The following ATR variants were observed in gnomAD, a reference collection of about 807,000 sequenced individuals.
ATR encodes the protein serine/threonine-protein kinase ATR.
Under a neutral mutation model 305.3 loss-of-function variants are expected in ATR, and 142 were observed. That is an observed-to-expected ratio of 0.47 (90% CI 0.41 to 0.53). The LOEUF (loss-of-function observed/expected upper bound fraction) is 0.53, where lower values mean the gene tolerates loss of function less well. ATR is among the 20% of genes least tolerant of loss of function. ATR has a pLI of 0.00. For missense variants in ATR, 2,135 were observed against 3,133.1 expected (o/e 0.68, Z 7.60); for synonymous variants, 1,050 against 1,068.1 (o/e 0.98, Z 0.33).
chr3:142,458,828 T>A, intron 44 of ATR, 130 bp downstream of exon 44: 1 of 1,089,588 alleles, frequency 9.2e-7, no homozygotes, highest in African/African-American at 1.6e-5. Context: ...TGAAAACTAG[T>A]CAACAAATTC....
At position 142,578,733 on chromosome 3, in the gene ATR, C is replaced by T. The variant is rs150284877; in HGVS notation, c.-29G>A. On this transcript the variant is annotated 5_prime_UTR_variant, in exon 1 of 47. It adds an upstream start codon to the 5' untranslated region. Transcript: ENST00000350721. Reference sequence around the variant, plus strand: ...GAGGCTGCGAGGCACTAGTCAACCACGCCAACGCGGGTTCCCGGCGTCTCC... The same window carrying T: ...GAGGCTGCGAGGCACTAGTCAACCATGCCAACGCGGGTTCCCGGCGTCTCC... 2.5e-5 allele frequency: 41 copies of T among 1,608,488 alleles called. No homozygotes were observed. In the East Asian group the frequency reaches 8.3e-4, roughly 32 times the overall value.
rs2030305103 is a variant in ATR, at chr3:142,480,045, G to C, written c.6221+5095C>G. 3.9e-5 allele frequency among the ~76,000 whole-genome samples: 6 copies of C among 152,250 alleles called. No individual in the cohort carries two copies. The South Asian group carries it at 1.2e-3, about 32-fold the overall frequency. On this transcript the variant is annotated intron_variant, in intron 36 of 46. Coordinates refer to ENST00000350721, the MANE Select transcript of ATR (RefSeq NM_001184.4). ...CCATGGGTTCCAACTTCCTCCTTTA[G>C]CTCGGAGAAGTTTGATCATCTGAAG...
At chr3:142,520,271 A>T (rs1191469381) in intron 23 of ATR, among the ~76,000 whole-genome samples, 1 of 152,108 alleles carries the variant, frequency 6.6e-6, no homozygotes, top group Admixed American at 6.6e-5. Flanking sequence ...AGACATAAGA[A>T]TATTGAAATT....
At chr3:142,503,171 G>C (rs2032066846) in intron 30 of ATR, among the ~76,000 whole-genome samples, 191 bp downstream of exon 30, 2 of 152,096 alleles carry the variant, frequency 1.3e-5, no homozygotes, top group East Asian at 1.9e-4. Context: ...TGGCTCTTTA[G>C]ACAGAAGCTG....
intron 19 of ATR, 72 bp from the exon 20 acceptor site, chr3:142,536,273 T>G (rs1190375386): frequency 1.5e-5 from 17 of 1,105,158 alleles, no homozygotes; most frequent in African/African-American, 3.1e-5. Flanking sequence ...AAGTAAAAGT[T>G]GAAACTAAGG....
At chr3:142,452,051 A>G (rs888684500) in intron 46 of ATR, 6 of 1,032,462 alleles carry the variant, frequency 5.8e-6, no homozygotes, top group Non-Finnish European at 7.0e-6. Flanking sequence ...CACCCTACAG[A>G]TGAAGATAAT....
chr3:142,553,784 G>A (rs2108464676), intron 11 of ATR, 41 bp downstream of exon 11: 2 of 1,609,974 alleles, frequency 1.2e-6, no homozygotes, highest in Non-Finnish European at 1.7e-6. Flanking sequence ...TTTAGAGCTA[G>A]GTTGACGTAA....
In ATR at chr3:142,515,403, T is replaced by C. The variant is rs2032815401; in HGVS notation, c.4495A>G (p.Ile1499Val). The C allele has an allele frequency of 1.9e-6, 3 of 1,613,906 alleles. No individual in the cohort carries two copies. The highest frequency in any genetic ancestry group is 2.5e-6 in the Non-Finnish European group (3 of 1,179,898). The change falls in exon 25 of 47, where the codon ATT becomes GTT. Residue 1499 changes from isoleucine (I) to valine (V), a missense_variant. Physicochemically the swap from Ile to Val is conservative, Grantham distance 29. This residue lies in a region of ATR where 202 missense variants were observed against 252.9 expected (regional missense o/e 0.80). Coordinates refer to ENST00000350721, the MANE Select transcript of ATR (RefSeq NM_001184.4). ...EWSASWAGYL[I>V]TKVRHDLASK... Reference sequence around the variant, plus strand: ...TGAACAGGGTTTCTTACCTTTGTAATAAGATAACCTGCCCAAGATGCTGAC... The same window carrying C: ...TGAACAGGGTTTCTTACCTTTGTAACAAGATAACCTGCCCAAGATGCTGAC...
intron 33 of ATR, 49 bp from the exon 34 acceptor site, chr3:142,496,569 C>T: frequency 6.4e-7 from 1 of 1,565,240 alleles, no homozygotes; most frequent in Non-Finnish European, 8.8e-7. Flanking sequence ...GGTAAGTGTA[C>T]ACAACAACTT....
chr3:142,568,707 C>T (rs2035160098), intron 1 of ATR, among the ~76,000 whole-genome samples: 1 of 152,260 alleles, frequency 6.6e-6, no homozygotes, highest in Admixed American at 6.5e-5. Flanking sequence ...CCTGCCCTCA[C>T]AGACTTGGAA....
chr3:142,544,288 T>G (rs1009872749), intron 16 of ATR, among the ~76,000 whole-genome samples: 4 of 150,320 alleles, frequency 2.7e-5, no homozygotes, highest in Admixed American at 2.0e-4. Flanking sequence ...CAAAACCCCA[T>G]CTCTACAAAA....
Position 142,556,337 on chromosome 3 carries a change from T to G in ATR, c.2078+46A>C, listed in dbSNP as rs143635003. ...TGCATACATAGCCAGACAATTATGATCTTTCCAATAGAGTGATATATTCAA... is the reference window on the plus strand; with the variant it reads ...TGCATACATAGCCAGACAATTATGAGCTTTCCAATAGAGTGATATATTCAA... On this transcript the variant is annotated intron_variant, in intron 9 of 46. Transcript: ENST00000350721. The G allele has an allele frequency of 9.9e-5, 155 of 1,572,758 alleles. No homozygotes were observed. In the East Asian group the frequency reaches 1.6e-3, roughly 17 times the overall value.
intron 23 of ATR, among the ~76,000 whole-genome samples, chr3:142,520,127 T>A (rs1332750612): frequency 6.6e-6 from 1 of 152,248 alleles, no homozygotes; most frequent in East Asian, 1.9e-4. Context: ...TGATCTTTGA[T>A]GTTACTGTTG....
rs758693664 is a variant in ATR, at chr3:142,558,706, G to A, written c.1803C>T (p.Ser601=). Residue 601 remains serine (S), a synonymous_variant, in exon 8 of 47, where the codon TCC becomes TCT. Transcript: ENST00000350721. ...CGMLSLPWIY[S]HSDDGCLKLT... is the part of the protein sequence containing the mutation. The stretch of plus-strand genomic sequence containing the variant: ...ACTTTAAACAGCCATCATCAGAATG[G>A]GAATAAATCCATGGAAGTGAGAGCA... 6.2e-7 allele frequency: 1 copy of A among 1,612,430 alleles called. No homozygotes were observed. Among genetic ancestry groups the A allele is most frequent in the Non-Finnish European group, 8.5e-7 (1 of 1,178,900 alleles).
chr3:142,562,109 TG>T, intron 4 of ATR, 122 bp downstream of exon 4: 1 of 1,101,562 alleles, frequency 9.1e-7, no homozygotes. Flanking sequence ...AAAATCATTA[TG>T]TTCCAAATAT....
chr3:142,535,282 A>C, intron 20 of ATR, 77 bp from the exon 21 acceptor site: 2 of 1,562,372 alleles, frequency 1.3e-6, no homozygotes, highest in Non-Finnish European at 1.8e-6. Context: ...TGAATTCTCT[A>C]TATAGTTACC....
intron 42 of ATR, among the ~76,000 whole-genome samples, chr3:142,460,247 T>G (rs2070995449): frequency 6.6e-6 from 1 of 152,128 alleles, no homozygotes; most frequent in African/African-American, 2.4e-5. Context: ...CAATACCCAT[T>G]ATATAGTGAT....
At chr3:142,567,062 A>G (rs1462260785) in intron 2 of ATR, among the ~76,000 whole-genome samples, 2 of 152,192 alleles carry the variant, frequency 1.3e-5, no homozygotes, top group Admixed American at 6.5e-5. Context: ...AGTCTTATCT[A>G]ATTTTAAATG....
Position 142,565,723 on chromosome 3 carries a change from C to T in ATR, c.292+398G>A, listed in dbSNP as rs551727374. ...CCAGCCTGGGCAACATAGCGAGACCCTGTCTTATTTAAAAAAAAAAAAAAA... is the reference window on the plus strand; with the variant it reads ...CCAGCCTGGGCAACATAGCGAGACCTTGTCTTATTTAAAAAAAAAAAAAAA... On this transcript the variant is annotated intron_variant, in intron 3 of 46. Coordinates refer to ENST00000350721, the MANE Select transcript of ATR (RefSeq NM_001184.4). Among the ~76,000 whole-genome samples the T allele has an allele frequency of 4.7e-5, 6 of 127,348 alleles. No individual in the cohort carries two copies. The South Asian group carries it at 1.3e-3, about 27-fold the overall frequency. The allele number at this position is 127,348 out of a possible 152,430, so 83.5% of individuals were successfully genotyped here.
Sources: allele counts gnomAD v4.1 joint callset (sites outside exome capture counted in the v4.1 genomes callset), GRCh38; gene constraint gnomAD v4.1.1; regional missense constraint gnomAD v4.1.1; transcripts MANE v1.5; gene names NCBI Gene and HGNC (gene_info 2026-07-23, HGNC 2026-07-21).